DCLK1: variants seen among roughly 807,000 people sequenced by gnomAD.
DCLK1 encodes the protein doublecortin like kinase 1.
A neutral mutation model predicts 86.2 loss-of-function variants in DCLK1; 16 were observed. That is an observed-to-expected ratio of 0.19 (90% CI 0.13 to 0.28). DCLK1 has a LOEUF of 0.28. Among genes scored for constraint, DCLK1 ranks in the 10% least tolerant of loss-of-function variants. The probability of loss-of-function intolerance (pLI) is 1.00; values close to 1 mark genes in which losing one functional copy is unlikely to be tolerated. For missense variants in DCLK1, 590 were observed against 940.2 expected, an observed-to-expected ratio of 0.63 and a Z score of 4.87; for synonymous variants, 369 against 370.5, an observed-to-expected ratio of 1.00 and a Z score of 0.05.
At chr13:35,958,682 A>G (rs1440128359) in intron 3 of DCLK1, among the ~76,000 whole-genome samples, 1 of 152,262 alleles carries the variant, frequency 6.6e-6, no homozygotes, top group Non-Finnish European at 1.5e-5. Context: ...TGTTCTGTGC[A>G]GCATATTAGT....
At chr13:36,025,480 A>G (rs1881996099) in intron 3 of DCLK1, among the ~76,000 whole-genome samples, 1 of 152,246 alleles carries the variant, frequency 6.6e-6, no homozygotes, top group South Asian at 2.1e-4. Context: ...AATAACCTTA[A>G]TGTTCATCAT....
rs1338912935 is a variant in DCLK1 at position 36,008,857 on chromosome 13, C to T, written c.724-61400G>A. Among the ~76,000 whole-genome samples, 6 of 149,020 alleles carry T rather than the reference C, an allele frequency of 4.0e-5. No individual in the cohort carries two copies. In the East Asian group the frequency reaches 1.0e-3, roughly 25 times the overall value. On this transcript the variant is annotated intron_variant, in intron 3 of 16. Coordinates refer to ENST00000360631, the MANE Select transcript of DCLK1 (RefSeq NM_001330071.2). ...TCTCACCAACAGTGTAAAAGTGTTC[C>T]TATTTCTCCACATCCTCTCCAGCAC...
At chr13:35,849,475 T>A (rs1389522233) in intron 6 of DCLK1, 1 of 985,150 alleles carries the variant, frequency 1.0e-6, no homozygotes, top group African/African-American at 1.7e-5. Context: ...TCTTAAACTG[T>A]TAGTGTTTGA....
intron 6 of DCLK1, chr13:35,845,863 T>C (rs559556229): frequency 7.4e-6 from 7 of 943,796 alleles, no homozygotes; most frequent in Middle Eastern, 1.1e-3. Context: ...AGTGTCTACT[T>C]ATCAAATTTT....
chr13:36,093,394 G>C (rs960913576), intron 3 of DCLK1, among the ~76,000 whole-genome samples: 1 of 152,198 alleles, frequency 6.6e-6, no homozygotes, highest in Non-Finnish European at 1.5e-5. Context: ...GAATCTCCCA[G>C]CCAAGGGCTC....
At chr13:35,898,232 T>A (rs1874117088) in intron 4 of DCLK1, among the ~76,000 whole-genome samples, 1 of 152,206 alleles carries the variant, frequency 6.6e-6, no homozygotes, top group African/African-American at 2.4e-5. Flanking sequence ...TCAATGAATG[T>A]CTTATCCTAG....
chr13:36,067,793 T>C (rs7982300), intron 3 of DCLK1, among the ~76,000 whole-genome samples: 39,924 of 151,868 alleles, frequency 0.26, 5,607 homozygotes, highest in East Asian at 0.51. Flanking sequence ...TTCCCTTCTC[T>C]CCTAGGAGCT....
At chr13:35,796,056 T>A (rs2086804125) in intron 15 of DCLK1, among the ~76,000 whole-genome samples, 1 of 152,134 alleles carries the variant, frequency 6.6e-6, no homozygotes, top group African/African-American at 2.4e-5. Context: ...TTTTTCCACA[T>A]TTGACAAGGG....
intron 2 of DCLK1, among the ~76,000 whole-genome samples, chr13:36,124,415 T>C (rs1886098926): frequency 6.6e-6 from 1 of 152,198 alleles, no homozygotes. Flanking sequence ...GGATGTGAAT[T>C]CCCACAAAAT....
intron 3 of DCLK1, among the ~76,000 whole-genome samples, chr13:36,073,595 A>G (rs553914491): frequency 2.6e-5 from 4 of 152,338 alleles, no homozygotes; most frequent in African/African-American, 9.6e-5. Flanking sequence ...CACCCAAAAC[A>G]AACAAGGAAG....
At chr13:35,953,530 C>T (rs566394787) in intron 3 of DCLK1, among the ~76,000 whole-genome samples, 2 of 152,240 alleles carry the variant, frequency 1.3e-5, no homozygotes, top group East Asian at 1.9e-4. Context: ...TATGTGAAAT[C>T]TGAATTCATA....
At chr13:35,863,586 C>T (rs1871558461) in intron 5 of DCLK1, among the ~76,000 whole-genome samples, 1 of 152,144 alleles carries the variant, frequency 6.6e-6, no homozygotes, top group Admixed American at 6.5e-5. Flanking sequence ...ATTCCAAAGA[C>T]ACAAGGGATG....
At chr13:35,987,621 TA>T (rs926979816) in intron 3 of DCLK1, among the ~76,000 whole-genome samples, 3 of 151,510 alleles carry the variant, frequency 2.0e-5, no homozygotes, top group African/African-American at 7.3e-5. Flanking sequence ...ACCACAACAA[TA>T]AAAAAAATAA....
intron 3 of DCLK1, among the ~76,000 whole-genome samples, chr13:36,024,326 A>G (rs1881942412): frequency 6.6e-6 from 1 of 152,238 alleles, no homozygotes; most frequent in African/African-American, 2.4e-5. Context: ...ATGATCTTGT[A>G]TCTGGAAAAT....
intron 3 of DCLK1, among the ~76,000 whole-genome samples, chr13:35,954,172 T>C (rs1164131647): frequency 1.3e-5 from 2 of 152,124 alleles, no homozygotes; most frequent in East Asian, 3.9e-4. Context: ...GCTAACAGTT[T>C]AATGAGATGC....
intron 5 of DCLK1, among the ~76,000 whole-genome samples, chr13:35,866,246 T>C (rs1871779532): frequency 6.6e-6 from 1 of 152,200 alleles, no homozygotes; most frequent in South Asian, 2.1e-4. Flanking sequence ...ATAAAAGCCG[T>C]ATGTAAACTA....
chr13:36,116,944 A>G (rs765951936), intron 2 of DCLK1, among the ~76,000 whole-genome samples: 3 of 152,246 alleles, frequency 2.0e-5, no homozygotes, highest in Non-Finnish European at 2.9e-5. Context: ...ACATTTCATA[A>G]TCTACCTGGA....
intron 3 of DCLK1, among the ~76,000 whole-genome samples, chr13:35,992,906 C>T (rs912200177): frequency 6.6e-6 from 1 of 152,142 alleles, no homozygotes; most frequent in African/African-American, 2.4e-5. Flanking sequence ...TACTACTCCC[C>T]CATCAGTGAT....
chr13:35,861,989 G>A (rs1230933488), intron 5 of DCLK1, among the ~76,000 whole-genome samples: 3 of 129,278 alleles, frequency 2.3e-5, no homozygotes, highest in Non-Finnish European at 4.7e-5. Context: ...CGGAGATTGC[G>A]CCCACCGCAC....
Sources: gnomAD v4.1 joint callset for allele counts (sites outside exome capture counted in the v4.1 genomes callset) on GRCh38, gnomAD v4.1.1 for gene constraint, MANE v1.5 for transcripts, NCBI Gene and HGNC (gene_info 2026-07-23, HGNC 2026-07-21) for gene names.